PARP10: variants seen among roughly 807,000 people sequenced by gnomAD.
PARP10 encodes the protein protein mono-ADP-ribosyltransferase PARP10.
A neutral mutation model predicts 82.4 loss-of-function variants in PARP10; 56 were observed. The observed-to-expected ratio is 0.68, with a 90% CI of 0.55 to 0.85. PARP10 has a LOEUF of 0.85. Among genes scored for constraint, PARP10 ranks in the 40% least tolerant of loss-of-function variants. The probability of loss-of-function intolerance (pLI) is 0.00; values close to 1 mark genes in which losing one functional copy is unlikely to be tolerated. For synonymous variants in PARP10, 576 were observed against 601.1 expected (o/e 0.96, Z 0.61); for missense variants, 1,227 against 1,379.4 (o/e 0.89, Z 1.75).
exon 1 of PARP10, chr8:144,012,683 G>C: frequency 6.4e-7 from 1 of 1,551,714 alleles, no homozygotes; most frequent in South Asian, 1.2e-5. Flanking sequence ...TCACGAGTGG[G>C]CTTGGTGAGG....
Position 143,985,773 on chromosome 8 carries a change from G to T in PARP10, c.384C>A (p.Ser128Arg), listed in dbSNP as rs368551899. ...LPVQPCCALASPRPDRALVQL... is the reference protein window; with the variant it reads ...LPVQPCCALARPRPDRALVQL... ...GGACCAGAGCCCGGTCTGGCCGGGG[G>T]CTGGCCAAGGCACAGCAAGGCTGTA... The change falls in exon 3 of 11, where the codon AGC becomes AGA. Residue 128 changes from serine (S) to arginine (R), a missense_variant. Ser to Arg is a moderately radical substitution (Grantham distance 110). Coordinates refer to ENST00000313028, the MANE Select transcript of PARP10 (RefSeq NM_032789.5). The T allele has an allele frequency of 1.2e-6, 2 of 1,611,294 alleles. No homozygotes were observed. The highest frequency in any genetic ancestry group is 2.2e-5 in the East Asian group (1 of 44,822).
chr8:144,012,535 A>G (rs1554752597), exon 1 of PARP10: 2 of 1,551,760 alleles, frequency 1.3e-6, no homozygotes, highest in East Asian at 4.9e-5. Context: ...CTCACCAATT[A>G]TGAAGGGCTT....
Position 143,986,438 on chromosome 8 carries a change from G to A in PARP10, c.-79C>T. 1 of 1,610,220 alleles carries A rather than the reference G, an allele frequency of 6.2e-7. No homozygotes were observed. Among genetic ancestry groups the A allele is most frequent in the Middle Eastern group, 1.7e-4 (1 of 6,042 alleles). The stretch of plus-strand genomic sequence containing the variant: ...CCTGCCCCTCAGCAAGCCTAACCCT[G>A]CTGGGAGCAGGAAAACAAAAGTGAA... On this transcript the variant is annotated 5_prime_UTR_variant, in exon 1 of 11. Transcript: ENST00000313028.
chr8:143,983,681 C>A lies in PARP10; in HGVS notation c.1908G>T (p.Glu636Asp). The A allele has an allele frequency of 6.2e-7, 1 of 1,609,428 alleles. No homozygotes were observed. The highest frequency in any genetic ancestry group is 8.5e-7 in the Non-Finnish European group (1 of 1,177,690). Residue 636 changes from glutamate (E) to aspartate (D), a missense_variant, in exon 8 of 11, where the codon GAG becomes GAT. Coordinates refer to ENST00000313028, the MANE Select transcript of PARP10 (RefSeq NM_032789.5). ...PEEEVTPGHE[E>D]EEPVAPSTVA... is the part of the protein sequence containing the mutation. ...CAGTGCTGGGGGCCACAGGCTCCTC[C>A]TCCTCATGCCCTGGGGTCACCTCCT... is the stretch of plus-strand genomic sequence containing the variant.
intron 1 of PARP10, among the ~76,000 whole-genome samples, chr8:144,000,412 C>G (rs1013576296): frequency 1.3e-5 from 2 of 152,136 alleles, no homozygotes; most frequent in Non-Finnish European, 2.9e-5. Flanking sequence ...GAGATCCTTC[C>G]CTAGCACCTG....
intron 1 of PARP10, among the ~76,000 whole-genome samples, chr8:143,998,750 G>A (rs1587473244): frequency 1.3e-5 from 2 of 152,130 alleles, no homozygotes; most frequent in East Asian, 1.9e-4. Flanking sequence ...AGGAGTTTGC[G>A]ACCAGCTTGG....
Position 143,977,541 on chromosome 8 carries a change from C to G in PARP10, c.3021G>C (p.Val1007=). The change falls in exon 11 of 11, where the codon GTG becomes GTC. Residue 1007 remains valine, a synonymous_variant. Coordinates refer to ENST00000313028, the MANE Select transcript of PARP10 (RefSeq NM_032789.5). ...LPTHLITCEH[V]PRASPDDPSG... ...AGGGGTCGTCGGGGGAAGCGCGGGG[C>G]ACGTGCTCGCAGGTGATGAGGTGGG... 1 of 1,564,384 alleles carries G rather than the reference C, an allele frequency of 6.4e-7. No homozygotes were observed. Among genetic ancestry groups the G allele is most frequent in the Non-Finnish European group, 8.7e-7 (1 of 1,154,786 alleles).
At chr8:143,979,054 G>A (rs1554747088) in intron 9 of PARP10, among the ~76,000 whole-genome samples, 1 of 151,100 alleles carries the variant, frequency 6.6e-6, no homozygotes, top group African/African-American at 2.4e-5. Context: ...CTCACTGCAA[G>A]CTCCGCCTCC....
intron 1 of PARP10, among the ~76,000 whole-genome samples, chr8:143,999,092 A>G (rs1834182083): frequency 6.7e-6 from 1 of 149,458 alleles, no homozygotes; most frequent in African/African-American, 2.5e-5. Flanking sequence ...ACCATGCTGG[A>G]GTACAGCGGC....
chr8:143,979,545 A>G (rs374207404), intron 9 of PARP10, among the ~76,000 whole-genome samples: 6 of 152,250 alleles, frequency 3.9e-5, no homozygotes, highest in African/African-American at 1.4e-4. Context: ...ATTAGGACAC[A>G]CGAGAACATG....
At chr8:143,994,059 C>A (rs1180288059), upstream of PARP10, among the ~76,000 whole-genome samples, 51 of 152,226 alleles carry the variant, frequency 3.4e-4, no homozygotes, top group Non-Finnish European at 5.9e-5. Flanking sequence ...TGGTCTGAGC[C>A]CTGCTGAGCT....
chr8:143,991,863 C>A, upstream of PARP10: 1 of 1,609,394 alleles, frequency 6.2e-7, no homozygotes, highest in Non-Finnish European at 8.5e-7. Flanking sequence ...TGACTCTGAG[C>A]GGCTCCTTCC....
Position 144,002,385 on chromosome 8 carries a change from G to A in PARP10, c.-80+10145C>T, listed in dbSNP as rs532132531. 1.4e-3 allele frequency among the ~76,000 whole-genome samples: 213 copies of A among 151,882 alleles called. 8 individuals are homozygous for A. In the South Asian group the frequency reaches 0.044, roughly 31 times the overall value. ...GCAATATAGTGAGACCCTATCTCCA[G>A]AAAAGAAAAAAATCCCAACATAATT... On this transcript the variant is annotated intron_variant, in intron 1 of 3. Coordinates refer to the PARP10 transcript ENST00000530478.
chr8:143,986,306 G>A, intron 1 of PARP10, 52 bp downstream of exon 1: 10 of 1,614,068 alleles, frequency 6.2e-6, no homozygotes, highest in Non-Finnish European at 8.5e-6. Flanking sequence ...GCCCCTCCAA[G>A]GTGTGTCCTC....
At position 143,983,599 on chromosome 8, in the gene PARP10, G is replaced by A. The variant is rs782403222; in HGVS notation, c.1990C>T (p.Leu664=). Residue 664 remains leucine (L), a synonymous_variant, in exon 8 of 11, where the codon CTG becomes TTG. Coordinates refer to ENST00000313028, the MANE Select transcript of PARP10 (RefSeq NM_032789.5). Reference sequence around the variant, plus strand: ...TCAGCCACCTGACCTTGAGGCTCCAGTGACCGGTGGAGGGCCAGCTGCAGA... The same window carrying A: ...TCAGCCACCTGACCTTGAGGCTCCAATGACCGGTGGAGGGCCAGCTGCAGA... ...AALQLALHRS[L]EPQGQVAEQE... 3 of 1,604,936 alleles carry A rather than the reference G, an allele frequency of 1.9e-6. No individual in the cohort carries two copies. Among genetic ancestry groups the A allele is most frequent in the Non-Finnish European group, 2.6e-6 (3 of 1,175,686 alleles).
Position 143,983,348 on chromosome 8 carries a change from A to C in PARP10, c.2241T>G (p.Pro747=). 1.2e-6 allele frequency: 2 copies of C among 1,609,470 alleles called. No homozygotes were observed. Among genetic ancestry groups the C allele is most frequent in the Non-Finnish European group, 1.7e-6 (2 of 1,179,132 alleles). Residue 747 remains proline (P), a synonymous_variant, in exon 8 of 11, where the codon CCT becomes CCG. Coordinates refer to ENST00000313028, the MANE Select transcript of PARP10 (RefSeq NM_032789.5). ...GCTCCAGGCGAGCACGCAGCTCTGC[A>C]GGCAGTGTGCGGCGCCAGGGCCCCA... is the stretch of plus-strand genomic sequence containing the variant. The part of the protein sequence containing the change: ...ETVGPWRRTL[P]AELRARLERC...
chr8:143,991,865 G>GCTC (rs1402106693), upstream of PARP10: 2 of 1,610,134 alleles, frequency 1.2e-6, no homozygotes, highest in Non-Finnish European at 1.7e-6. Context: ...ACTCTGAGCG[G>GCTC]CTCCTTCCCC....
In PARP10 at chr8:143,985,311, G is replaced by A; in HGVS notation, c.691C>T (p.Gln231Ter). Residue 231 changes from glutamine (Q) to a stop codon, truncating the protein, a stop_gained, in exon 5 of 11, where the codon CAG (glutamine) becomes TAG (stop). Coordinates refer to ENST00000313028, the MANE Select transcript of PARP10 (RefSeq NM_032789.5). LOFTEE classifies it high-confidence loss of function. Reference protein sequence around the residue: ...QQWQVAERVLQQEHRLQGSEL... With the variant: ...QQWQVAERVL ...GAGCCCTGCAACCGGTGCTCCTGCT[G>A]CAACACTCGTTCTGCCACTTGGAGG... 1 of 1,608,278 alleles carries A rather than the reference G, an allele frequency of 6.2e-7. No homozygotes were observed. Among genetic ancestry groups the A allele is most frequent in the Non-Finnish European group, 8.5e-7 (1 of 1,176,894 alleles).
intron 5 of PARP10, 47 bp downstream of exon 5, chr8:143,984,497 A>G (rs782203492): frequency 1.2e-5 from 19 of 1,590,262 alleles, no homozygotes; most frequent in Non-Finnish European, 1.6e-5. Flanking sequence ...TTGAGTCCCC[A>G]GTAGGAGGAG....
Sources: gnomAD v4.1 joint callset for allele counts (sites outside exome capture counted in the v4.1 genomes callset) on GRCh38, gnomAD v4.1.1 for gene constraint, MANE v1.5 for transcripts, NCBI Gene and HGNC (gene_info 2026-07-23, HGNC 2026-07-21) for gene names.